SERPINB7: variants seen among roughly 807,000 people sequenced by gnomAD.
SERPINB7 encodes serpin family B member 7.
A neutral mutation model predicts 37.4 loss-of-function variants in SERPINB7; 31 were observed. The observed-to-expected ratio is 0.83, with a 90% CI of 0.62 to 1.12. The LOEUF (loss-of-function observed/expected upper bound fraction) is 1.12, where lower values mean the gene tolerates loss of function less well. SERPINB7 is among the 50% of genes most tolerant of loss of function. The pLI, the probability that SERPINB7 is intolerant of heterozygous loss-of-function variation, is 0.00. For missense variants in SERPINB7, 521 were observed against 455.3 expected (o/e 1.14, Z -1.31); for synonymous variants, 163 against 166.1 (o/e 0.98, Z 0.14).
intron 6 of SERPINB7, among the ~76,000 whole-genome samples, chr18:63,799,359 T>G (rs888801040): frequency 6.6e-6 from 1 of 152,216 alleles, no homozygotes; most frequent in Admixed American, 6.5e-5. Context: ...TCAGGAATGT[T>G]GTATTGGGGC....
At chr18:63,762,448 C>A (rs768318259) in intron 1 of SERPINB7, among the ~76,000 whole-genome samples, 11 of 152,146 alleles carry the variant, frequency 7.2e-5, no homozygotes, top group Non-Finnish European at 1.5e-4. Context: ...GTCTGATTTA[C>A]AGATTACGTG....
chr18:63,756,566 A>G (rs1210233312), intron 1 of SERPINB7, among the ~76,000 whole-genome samples: 2 of 152,196 alleles, frequency 1.3e-5, no homozygotes, highest in Admixed American at 6.5e-5. Flanking sequence ...CTTATCCAAC[A>G]GAGTGGGCCC....
chr18:63,795,331 C>G (rs893831675), intron 4 of SERPINB7, among the ~76,000 whole-genome samples: 1 of 151,990 alleles, frequency 6.6e-6, no homozygotes, highest in African/African-American at 2.4e-5. Flanking sequence ...GAGGCTGAGG[C>G]GGGAGGATCA....
upstream of SERPINB7, among the ~76,000 whole-genome samples, chr18:63,773,946 T>G (rs1244117172): frequency 6.6e-6 from 1 of 152,116 alleles, no homozygotes; most frequent in African/African-American, 2.4e-5. Flanking sequence ...GTCCCTTGCC[T>G]TTTACCTATT....
intron 1 of SERPINB7, among the ~76,000 whole-genome samples, chr18:63,767,097 T>C (rs2144590984): frequency 6.6e-6 from 1 of 152,260 alleles, no homozygotes; most frequent in South Asian, 2.1e-4. Context: ...AGGCCACTCT[T>C]GCTGGATAAC....
chr18:63,778,991 A>G (rs2049277031), intron 1 of SERPINB7, among the ~76,000 whole-genome samples: 1 of 152,188 alleles, frequency 6.6e-6, no homozygotes, highest in South Asian at 2.1e-4. Flanking sequence ...GAAAAATCAG[A>G]CTTTAAAACC....
intron 7 of SERPINB7, among the ~76,000 whole-genome samples, chr18:63,801,350 C>A (rs1382499485): frequency 1.3e-5 from 2 of 152,102 alleles, no homozygotes; most frequent in African/African-American, 4.8e-5. Context: ...TGAAATTTTG[C>A]TAGACTGAGC....
chr18:63,796,474 G>A (rs943854604), intron 5 of SERPINB7, 91 bp downstream of exon 5: 3 of 674,980 alleles, frequency 4.4e-6, no homozygotes, highest in South Asian at 2.0e-5. Context: ...GTACATACAA[G>A]GAACAGCTCC....
chr18:63,793,012 A>G lies in SERPINB7; in HGVS notation c.220-149A>G, dbSNP rs1200468129. 1.2e-5 allele frequency: 5 copies of G among 424,142 alleles called. 1 individual carries two copies. In the South Asian group the frequency reaches 1.7e-4, roughly 15 times the overall value. The allele number at this position is 424,142 out of a possible 1,614,324, so 26.3% of individuals were successfully genotyped here. A position where few individuals can be genotyped will look rare whatever the true frequency, so the allele number is the denominator to read the frequency against. On this transcript the variant is annotated intron_variant, in intron 3 of 7. Transcript: ENST00000398019. ...ACACTATTTTGAGAAAGGGTAAGAC[A>G]TAGATGTATGTGGCCTTGTTTGCCA...
At chr18:63,773,848 TGAA>T (rs1470800546), upstream of SERPINB7, among the ~76,000 whole-genome samples, 1 of 152,152 alleles carries the variant, frequency 6.6e-6, no homozygotes, top group East Asian at 1.9e-4. Flanking sequence ...TGAGTTAATG[TGAA>T]GAAGAAAACA....
At chr18:63,794,084 C>T (rs2049458796) in intron 4 of SERPINB7, among the ~76,000 whole-genome samples, 1 of 149,332 alleles carries the variant, frequency 6.7e-6, no homozygotes, top group Non-Finnish European at 1.5e-5. Context: ...GCTGGGATTA[C>T]AGGCACGTGC....
intron 1 of SERPINB7, among the ~76,000 whole-genome samples, chr18:63,756,994 A>C (rs2049126214): frequency 6.6e-6 from 1 of 152,164 alleles, no homozygotes; most frequent in Non-Finnish European, 1.5e-5. Context: ...ATTCCATGTT[A>C]AGAGTTAGTA....
At chr18:63,760,357 A>C (rs2049146460) in intron 1 of SERPINB7, among the ~76,000 whole-genome samples, 1 of 152,216 alleles carries the variant, frequency 6.6e-6, no homozygotes, top group African/African-American at 2.4e-5. Context: ...AGCATTCGAG[A>C]GGTGACTTGG....
intron 2 of SERPINB7, among the ~76,000 whole-genome samples, chr18:63,787,571 G>C (rs1031879603): frequency 1.3e-5 from 2 of 152,100 alleles, no homozygotes; most frequent in Non-Finnish European, 2.9e-5. Flanking sequence ...TAGTATGTTT[G>C]AATCACTTTA....
At chr18:63,796,956 C>G (rs567635674) in intron 5 of SERPINB7, among the ~76,000 whole-genome samples, 1 of 152,248 alleles carries the variant, frequency 6.6e-6, no homozygotes, top group East Asian at 1.9e-4. Flanking sequence ...TAGTATATCT[C>G]TCATTTAAAA....
At position 63,783,282 on chromosome 18, in the gene SERPINB7, GA is replaced by G. The variant is rs1568208090; in HGVS notation, c.168+745del. On this transcript the variant is annotated intron_variant, in intron 2 of 7. Coordinates refer to ENST00000398019, the MANE Select transcript of SERPINB7 (RefSeq NM_003784.4). ...AGAAAGAAAGAAAGAAAGAAAGAAA[GA>G]AAGAAAGAAAGAAATGCAAATGCTT... 1.2e-3 allele frequency among the ~76,000 whole-genome samples: 183 copies of G among 147,918 alleles called. 11 individuals are homozygous for G. Among genetic ancestry groups the G allele is most frequent in the South Asian group, 2.9e-3 (13 of 4,478 alleles).
chr18:63,773,619 C>A (rs2049224443), upstream of SERPINB7, among the ~76,000 whole-genome samples: 1 of 152,072 alleles, frequency 6.6e-6, no homozygotes, highest in African/African-American at 2.4e-5. Flanking sequence ...TAAGTGAGGA[C>A]AAGAGACAGT....
At position 63,782,431 on chromosome 18, in the gene SERPINB7, A is replaced by T. The variant is rs1568206989; in HGVS notation, c.59A>T (p.Asp20Val). The T allele has an allele frequency of 6.2e-7, 1 of 1,614,204 alleles. No individual in the cohort carries two copies. Among genetic ancestry groups the T allele is most frequent in the South Asian group, 1.1e-5 (1 of 91,076 alleles). ...EFCFNLFREM[D>V]DNQGNGNVFF... ...TGCTTCAACCTGTTCAGAGAGATGG[A>T]TGACAATCAAGGAAATGGAAATGTG... The change falls in exon 2 of 8, where the codon GAT becomes GTT. Residue 20 changes from aspartate to valine, a missense_variant. Coordinates refer to ENST00000398019, the MANE Select transcript of SERPINB7 (RefSeq NM_003784.4).
At chr18:63,758,388 T>G (rs1398970232) in intron 1 of SERPINB7, among the ~76,000 whole-genome samples, 2 of 152,228 alleles carry the variant, frequency 1.3e-5, no homozygotes, top group Non-Finnish European at 2.9e-5. Context: ...CTGAATTTTT[T>G]ACTGTCTAGA....
Sources: gnomAD v4.1 joint callset for allele counts (sites outside exome capture counted in the v4.1 genomes callset) on GRCh38, gnomAD v4.1.1 for gene constraint, MANE v1.5 for transcripts, NCBI Gene and HGNC (gene_info 2026-07-23, HGNC 2026-07-21) for gene names.